Variants in UBAP1L observed in about 807,000 individuals in gnomAD.
UBAP1L encodes the protein ubiquitin-associated protein 1-like.
A neutral mutation model predicts 32.1 loss-of-function variants in UBAP1L; 32 were observed. The ratio of observed to expected loss-of-function variants is 1.00; its 90% confidence interval spans 0.75 to 1.34. The LOEUF (loss-of-function observed/expected upper bound fraction) is 1.34, where lower values mean the gene tolerates loss of function less well. Among genes scored for constraint, UBAP1L ranks in the 40% most tolerant of loss-of-function variants. The pLI, the probability that UBAP1L is intolerant of heterozygous loss-of-function variation, is 0.00. For missense variants in UBAP1L, 516 were observed against 540.5 expected, an observed-to-expected ratio of 0.95 and a Z score of 0.45; for synonymous variants, 243 against 250.2, an observed-to-expected ratio of 0.97 and a Z score of 0.27.
intron 5 of UBAP1L, among the ~76,000 whole-genome samples, chr15:65,093,728 G>C (rs1294339587): frequency 2.6e-5 from 4 of 152,218 alleles, no homozygotes; most frequent in Non-Finnish European, 5.9e-5. Flanking sequence ...GTGAAGAGCT[G>C]CTCTGCCATG....
Position 65,092,826 on chromosome 15 carries a change from T to C in UBAP1L, c.*271A>G, listed in dbSNP as rs2087132796. The C allele has an allele frequency of 2.0e-6, 1 of 491,810 alleles. No homozygotes were observed. The highest frequency in any genetic ancestry group is 3.6e-6 in the Non-Finnish European group (1 of 280,292). 30.5% of individuals were successfully genotyped at this position (491,810 alleles called of 1,614,324 possible). A position where few individuals can be genotyped will look rare whatever the true frequency, so the allele number is the denominator to read the frequency against. On this transcript the variant is annotated 3_prime_UTR_variant, in exon 6 of 6. Transcript: ENST00000559089. ...AAATCAAGGTTACTAATGCACACAG[T>C]GTAAAGAGTCAAATCAGGTGGTTTC...
At chr15:65,108,166 C>T (rs1234948131) in intron 1 of UBAP1L, among the ~76,000 whole-genome samples, 1 of 151,926 alleles carries the variant, frequency 6.6e-6, no homozygotes, top group African/African-American at 2.4e-5. Context: ...AAAGAAAGTC[C>T]AGAAACATAT....
chr15:65,106,637 CTTTTTT>C (rs35095335), intron 1 of UBAP1L, among the ~76,000 whole-genome samples: 1 of 119,736 alleles, frequency 8.4e-6, no homozygotes. Context: ...TTAGCATAAC[CTTTTTT>C]TTTTTTTTTT....
At chr15:65,109,482 CAAAAAAAAA>C (rs571155403) in intron 1 of UBAP1L, among the ~76,000 whole-genome samples, 1 of 63,142 alleles carries the variant, frequency 1.6e-5, no homozygotes. Context: ...GAATCTGTCT[CAAAAAAAAA>C]AAAAAAAAAA....
At chr15:65,114,197 T>G (rs1334161956) in intron 1 of UBAP1L, among the ~76,000 whole-genome samples, 1 of 152,028 alleles carries the variant, frequency 6.6e-6, no homozygotes, top group South Asian at 2.1e-4. Flanking sequence ...TTTTTTTTTT[T>G]TTAACTATGA....
At chr15:65,097,066 C>T (rs909781927) in intron 4 of UBAP1L, 3 of 152,218 alleles carry the variant, frequency 2.0e-5, no homozygotes, top group Admixed American at 1.3e-4. Context: ...AGACCCACCC[C>T]GTGGGGCCTG....
Position 65,102,384 on chromosome 15 carries a change from G to T in UBAP1L, c.421C>A (p.Arg141Ser), listed in dbSNP as rs1181080382. Residue 141 changes from arginine (R) to serine (S), a missense_variant, in exon 3 of 6, where the codon CGC becomes AGC. Coordinates refer to ENST00000559089, the MANE Select transcript of UBAP1L (RefSeq NM_001163692.2). The surrounding 1 kb of genome is among the most constrained non-coding windows in gnomAD (Gnocchi z 5.0). ...GSPASPGPGR[R>S]LCSLDVLRGV... ...CGTAGCACGTCCAGCGAGCACAGGC[G>T]ACGGCCGGGGCCGGGGCTCGCCGGG... 15 of 1,449,764 alleles carry T rather than the reference G, an allele frequency of 1.0e-5. No individual in the cohort carries two copies. Among genetic ancestry groups the T allele is most frequent in the Admixed American group, 2.8e-5 (1 of 35,396 alleles). The allele number at this position is 1,449,764 out of a possible 1,614,324, so 89.8% of individuals were successfully genotyped here.
At chr15:65,104,610 T>A (rs2087284286) in intron 2 of UBAP1L, among the ~76,000 whole-genome samples, 1 of 152,168 alleles carries the variant, frequency 6.6e-6, no homozygotes, top group Non-Finnish European at 1.5e-5. Context: ...CTGGGCACAG[T>A]GGCTCATCTG....
Position 65,102,491 on chromosome 15 carries a change from G to A in UBAP1L, c.314C>T (p.Pro105Leu), listed in dbSNP as rs1195023884. The change falls in exon 3 of 6, where the codon CCG becomes CTG. Residue 105 changes from proline to leucine, a missense_variant. Pro to Leu is a moderately conservative substitution (Grantham distance 98). Coordinates refer to ENST00000559089, the MANE Select transcript of UBAP1L (RefSeq NM_001163692.2). This position sits in a 1 kb window ranked among gnomAD's most constrained non-coding sequence, Gnocchi z 5.0. ...RDPEAGHQER[P>L]EEEGEDEAEA... ...TGCCTCGTCCTCACCCTCCTCCTCC[G>A]GCCTCTCCTGGTGTCCGGCCTCCGG... 8 of 1,450,836 alleles carry A rather than the reference G, an allele frequency of 5.5e-6. No homozygotes were observed. In the African/African-American group the frequency reaches 7.4e-5, roughly 13 times the overall value. The allele number at this position is 1,450,836 out of a possible 1,614,324, so 89.9% of individuals were successfully genotyped here.
At position 65,102,009 on chromosome 15, in the gene UBAP1L, G is replaced by A. The variant is rs1276456039; in HGVS notation, c.699+97C>T. Reference sequence around the variant, plus strand: ...GTCAAGGGAGGATGCAGGAGCGCGTGGAGTAGGGGACCGAGGCTGCGGGCT... The same window carrying A: ...GTCAAGGGAGGATGCAGGAGCGCGTAGAGTAGGGGACCGAGGCTGCGGGCT... On this transcript the variant is annotated intron_variant, in intron 3 of 5. Transcript: ENST00000559089. This position sits in a 1 kb window ranked among gnomAD's most constrained non-coding sequence, Gnocchi z 5.0. The A allele has an allele frequency of 4.5e-6, 2 of 446,270 alleles. No homozygotes were observed. Among genetic ancestry groups the A allele is most frequent in the Middle Eastern group, 6.6e-4 (1 of 1,504 alleles). 27.6% of individuals were successfully genotyped at this position (446,270 alleles called of 1,614,324 possible).
intron 4 of UBAP1L, chr15:65,096,917 G>C (rs1394842186): frequency 7.2e-5 from 11 of 152,286 alleles, no homozygotes; most frequent in African/African-American, 2.7e-4. Flanking sequence ...TGGCCAAAAA[G>C]GATTTACTGC....
intron 4 of UBAP1L, chr15:65,096,691 TG>T (rs1260880335): frequency 2.0e-5 from 3 of 152,272 alleles, no homozygotes; most frequent in African/African-American, 7.2e-5. Flanking sequence ...CCCTGTGAAC[TG>T]GGAAACTGAG....
chr15:65,098,688 A>C (rs1346403975), intron 4 of UBAP1L: 2 of 152,208 alleles, frequency 1.3e-5, no homozygotes, highest in African/African-American at 2.4e-5. Flanking sequence ...CTGTACAGTG[A>C]ATGAGGCCAT....
At chr15:65,114,567 G>C (rs1311437080) in intron 1 of UBAP1L, among the ~76,000 whole-genome samples, 1 of 152,176 alleles carries the variant, frequency 6.6e-6, no homozygotes, top group Non-Finnish European at 1.5e-5. Context: ...TAATGACTCT[G>C]TTATAATCAT....
chr15:65,092,891 C>T lies in UBAP1L; in HGVS notation c.*206G>A, dbSNP rs80094464. ...AGAACATAGCTCCCCGTCCGGCTCT[C>T]CCATCTGCCCCTCTGCAGAGGCAAC... On this transcript the variant is annotated 3_prime_UTR_variant, in exon 6 of 6. Transcript: ENST00000559089. 9,243 of 676,382 alleles carry T rather than the reference C, an allele frequency of 0.014. 80 individuals are homozygous for T. The highest frequency in any genetic ancestry group is 0.019 in the Middle Eastern group (46 of 2,470). The allele number at this position is 676,382 out of a possible 1,614,324, so 41.9% of individuals were successfully genotyped here.
rs1218924681 is a variant in UBAP1L, at chr15:65,102,448, G to A, written c.357C>T (p.Ser119=). Reference sequence around the variant, plus strand: ...GGCTGCTGGGGGCCGGCTCTTCCTCGCTGCCAGAGGAGGCTTCTGCCTCGT... The same window carrying A: ...GGCTGCTGGGGGCCGGCTCTTCCTCACTGCCAGAGGAGGCTTCTGCCTCGT... The part of the protein sequence containing the change: ...GEDEAEASSG[S]EEEPAPSSLQ... Residue 119 remains serine, a synonymous_variant, in exon 3 of 6, where the codon AGC becomes AGT. Coordinates refer to ENST00000559089, the MANE Select transcript of UBAP1L (RefSeq NM_001163692.2). This position sits in a 1 kb window ranked among gnomAD's most constrained non-coding sequence, Gnocchi z 5.0. 5 of 1,421,850 alleles carry A rather than the reference G, an allele frequency of 3.5e-6. No homozygotes were observed. Among genetic ancestry groups the A allele is most frequent in the African/African-American group, 3.0e-5 (2 of 66,140 alleles). 88.1% of individuals were successfully genotyped at this position (1,421,850 alleles called of 1,614,324 possible). A position where few individuals can be genotyped will look rare whatever the true frequency, so the allele number is the denominator to read the frequency against.
In UBAP1L at chr15:65,107,381, T is replaced by C. The variant is rs73475026; in HGVS notation, c.-173-993A>G. Among the ~76,000 whole-genome samples, 538 of 150,916 alleles carry C rather than the reference T, an allele frequency of 3.6e-3. 1 individual carries two copies. The highest frequency in any genetic ancestry group is 0.012 in the African/African-American group (504 of 41,202). Reference sequence around the variant, plus strand: ...AAGGAAAAAAAAAAGGAATTACATCTCTCTATATAAATAGTAAATCATGTA... The same window carrying C: ...AAGGAAAAAAAAAAGGAATTACATCCCTCTATATAAATAGTAAATCATGTA... On this transcript the variant is annotated intron_variant, in intron 1 of 5. Coordinates refer to ENST00000559089, the MANE Select transcript of UBAP1L (RefSeq NM_001163692.2).
At chr15:65,095,804 G>C (rs2087166784) in intron 4 of UBAP1L, 1 of 152,258 alleles carries the variant, frequency 6.6e-6, no homozygotes, top group South Asian at 2.1e-4. Context: ...GCACAAGGAG[G>C]CTTCAGCAAT....
At chr15:65,099,481 T>C (rs1424935182) in intron 4 of UBAP1L, 24 bp downstream of exon 4, 2 of 1,546,650 alleles carry the variant, frequency 1.3e-6, no homozygotes, top group Non-Finnish European at 8.7e-7. Context: ...TCACAGCTCA[T>C]CAGCTCTGGG....
Sources: allele counts gnomAD v4.1 joint callset (sites outside exome capture counted in the v4.1 genomes callset), GRCh38; gene constraint gnomAD v4.1.1; non-coding constraint Gnocchi (gnomAD v3.1); transcripts MANE v1.5; gene names NCBI Gene and HGNC (gene_info 2026-07-23, HGNC 2026-07-21).